The following RYR2 variants were observed in gnomAD, a reference collection of about 807,000 sequenced individuals.
The protein encoded by RYR2 is cardiac muscle ryanodine receptor-calcium release channel.
A neutral mutation model predicts 601.1 loss-of-function variants in RYR2; 227 were observed. The observed-to-expected ratio is 0.38, with a 90% CI of 0.34 to 0.42. RYR2 has a LOEUF of 0.42. Among genes scored for constraint, RYR2 ranks in the 10% least tolerant of loss-of-function variants. The pLI, the probability that RYR2 is intolerant of heterozygous loss-of-function variation, is 1.00. For synonymous variants in RYR2, 2,223 were observed against 2,175.1 expected, an observed-to-expected ratio of 1.02 and a Z score of -0.61; for missense variants, 4,646 against 6,156.5, an observed-to-expected ratio of 0.75 and a Z score of 8.21.
intron 1 of RYR2, among the ~76,000 whole-genome samples, chr1:237,198,842 CT>C (rs11377436): frequency 0.35 from 51,937 of 147,730 alleles, 9,124 homozygotes; most frequent in Middle Eastern, 0.41. Context: ...ATTTTCTTAT[CT>C]TTTTTTTTTT....
rs575807598 is a variant in RYR2, at chr1:237,496,256, A to G, written c.1962-255A>G. Among the ~76,000 whole-genome samples the G allele has an allele frequency of 7.0e-4, 107 of 152,250 alleles. 1 individual carries two copies. The highest frequency in any genetic ancestry group is 2.5e-3 in the African/African-American group (103 of 41,546). On this transcript the variant is annotated intron_variant, in intron 19 of 104. Coordinates refer to ENST00000366574, the MANE Select transcript of RYR2 (RefSeq NM_001035.3). ...TCATCTCTACTAAAAATAAAAAAGA[A>G]AATTAGTTGGGCGTGGTGGCACTCG...
intron 76 of RYR2, among the ~76,000 whole-genome samples, chr1:237,727,472 T>C (rs1445420934): frequency 6.6e-6 from 1 of 152,154 alleles, no homozygotes; most frequent in Non-Finnish European, 1.5e-5. Flanking sequence ...TTGTCCTGGA[T>C]TTGAATCAGA....
chr1:237,223,172 G>A (rs1684004693), intron 1 of RYR2, among the ~76,000 whole-genome samples: 1 of 152,168 alleles, frequency 6.6e-6, no homozygotes, highest in Non-Finnish European at 1.5e-5. Flanking sequence ...ATTTTCTGAT[G>A]TTATGACAGA....
chr1:237,394,884 G>T (rs1314478765), intron 10 of RYR2, among the ~76,000 whole-genome samples: 4 of 152,162 alleles, frequency 2.6e-5, no homozygotes, highest in Admixed American at 6.5e-5. Flanking sequence ...GGCTGGGGAG[G>T]CCTCAGGAAA....
chr1:237,189,696 C>T (rs1679749666), intron 1 of RYR2, among the ~76,000 whole-genome samples: 1 of 152,156 alleles, frequency 6.6e-6, no homozygotes, highest in Non-Finnish European at 1.5e-5. Flanking sequence ...GATCTTTGTC[C>T]ATTCTGGCAC....
chr1:237,043,780 A>G (rs1224419988), intron 1 of RYR2, among the ~76,000 whole-genome samples: 1 of 152,076 alleles, frequency 6.6e-6, no homozygotes, highest in African/African-American at 2.4e-5. Flanking sequence ...AAACAAAACC[A>G]CTTCCCGGTT....
At position 237,262,454 on chromosome 1, in the gene RYR2, A is replaced by T. The variant is rs968751775; in HGVS notation, c.49-8043A>T. Among the ~76,000 whole-genome samples the T allele has an allele frequency of 7.3e-5, 11 of 151,566 alleles. No homozygotes were observed. In the South Asian group the frequency reaches 2.3e-3, roughly 32 times the overall value. On this transcript the variant is annotated intron_variant, in intron 1 of 104. Coordinates refer to ENST00000366574, the MANE Select transcript of RYR2 (RefSeq NM_001035.3). The stretch of plus-strand genomic sequence containing the variant: ...CTATTTTTAGTAGAGATGGGGTTTC[A>T]CCATGTTGGCCAGGCTGGTCCCAAA...
chr1:237,150,189 A>G (rs1213261458), intron 1 of RYR2, among the ~76,000 whole-genome samples: 1 of 152,218 alleles, frequency 6.6e-6, no homozygotes, highest in African/African-American at 2.4e-5. Context: ...ATGCAAGTGT[A>G]TGTAGCAGAG....
intron 29 of RYR2, 103 bp from the exon 30 acceptor site, chr1:237,589,690 C>A: frequency 1.9e-6 from 2 of 1,036,850 alleles, no homozygotes; most frequent in Non-Finnish European, 2.9e-6. Context: ...CCTAGGGTGA[C>A]AGCTCTCACA....
chr1:237,610,386 C>G lies in RYR2; in HGVS notation c.4684-376C>G, dbSNP rs1573100591. Among the ~76,000 whole-genome samples, 1 of 152,200 alleles carries G rather than the reference C, an allele frequency of 6.6e-6. No individual in the cohort carries two copies. The highest frequency in any genetic ancestry group is 2.1e-4 in the South Asian group (1 of 4,814). ...AGCCAGGGGGATGTGACATATCTGT[C>G]ATTCAGGAAGTTTGGCACTGAAAGT... On this transcript the variant is annotated intron_variant, in intron 35 of 104. Coordinates refer to ENST00000366574, the MANE Select transcript of RYR2 (RefSeq NM_001035.3). The surrounding 1 kb of genome is among the most constrained non-coding windows in gnomAD (Gnocchi z 4.9).
intron 12 of RYR2, among the ~76,000 whole-genome samples, chr1:237,426,265 T>A (rs4659793): frequency 6.6e-6 from 1 of 152,028 alleles, no homozygotes; most frequent in South Asian, 2.1e-4. Context: ...AGGGTAGGTC[T>A]TTATTCTCCA....
At chr1:237,663,911 T>C (rs889551924) in intron 56 of RYR2, among the ~76,000 whole-genome samples, 6 of 152,178 alleles carry the variant, frequency 3.9e-5, no homozygotes, top group Admixed American at 2.0e-4. Flanking sequence ...CTTGACAGAA[T>C]ATACAATAGA....
rs1332120887 is a variant in RYR2, at chr1:237,757,584, C to G, written c.11246-113C>G. Reference sequence around the variant, plus strand: ...AAGTCAGTCTCCCTATGCCATTAAACAGATTGCCTGGGGGGGCATAATAAT... The same window carrying G: ...AAGTCAGTCTCCCTATGCCATTAAAGAGATTGCCTGGGGGGGCATAATAAT... On this transcript the variant is annotated intron_variant, in intron 81 of 104. Coordinates refer to ENST00000366574, the MANE Select transcript of RYR2 (RefSeq NM_001035.3). The G allele has an allele frequency of 8.7e-6, 6 of 688,446 alleles. No homozygotes were observed. In the East Asian group the frequency reaches 1.0e-4, roughly 12 times the overall value. The allele number at this position is 688,446 out of a possible 1,614,324, so 42.6% of individuals were successfully genotyped here. A position where few individuals can be genotyped will look rare whatever the true frequency, so the allele number is the denominator to read the frequency against.
chr1:237,579,456 A>G (rs1457555770), intron 29 of RYR2, among the ~76,000 whole-genome samples: 1 of 151,812 alleles, frequency 6.6e-6, no homozygotes, highest in Non-Finnish European at 1.5e-5. Context: ...GGGTTTCACC[A>G]TTTGGTGAGG....
chr1:237,535,247 C>G (rs1204179562), intron 25 of RYR2, among the ~76,000 whole-genome samples: 1 of 151,746 alleles, frequency 6.6e-6, no homozygotes, highest in African/African-American at 2.4e-5. Context: ...TGCCAAGAGC[C>G]TGTTTTAAAA....
intron 1 of RYR2, among the ~76,000 whole-genome samples, chr1:237,067,032 A>G (rs976585868): frequency 5.3e-5 from 8 of 152,090 alleles, no homozygotes; most frequent in African/African-American, 1.9e-4. Flanking sequence ...ATTCTTTATC[A>G]ATTTTAGATA....
At chr1:237,384,636 G>A (rs1008649833) in intron 8 of RYR2, among the ~76,000 whole-genome samples, 8 of 152,166 alleles carry the variant, frequency 5.3e-5, no homozygotes, top group Non-Finnish European at 8.8e-5. Context: ...TGCACATAGC[G>A]CATTCACATT....
At chr1:237,446,473 T>C (rs1008630864) in intron 14 of RYR2, among the ~76,000 whole-genome samples, 10 of 152,188 alleles carry the variant, frequency 6.6e-5, no homozygotes, top group Non-Finnish European at 1.3e-4. Context: ...TCATCATAAG[T>C]TGCAAACCTT....
chr1:237,686,612 G>C (rs1386433718), intron 62 of RYR2, among the ~76,000 whole-genome samples: 4 of 152,104 alleles, frequency 2.6e-5, no homozygotes, highest in African/African-American at 9.7e-5. Flanking sequence ...GCTGAGGCTT[G>C]GTGAAAAGAA....
Sources: allele counts gnomAD v4.1 joint callset (sites outside exome capture counted in the v4.1 genomes callset), GRCh38; gene constraint gnomAD v4.1.1; non-coding constraint Gnocchi (gnomAD v3.1); transcripts MANE v1.5; gene names NCBI Gene and HGNC (gene_info 2026-07-23, HGNC 2026-07-21).